Variants in PTPRJ observed in about 807,000 individuals in gnomAD.
PTPRJ encodes receptor-type tyrosine-protein phosphatase eta.
Under a neutral mutation model 141.3 loss-of-function variants are expected in PTPRJ, and 129 were observed. The ratio of observed to expected loss-of-function variants is 0.91; its 90% CI spans 0.79 to 1.06. PTPRJ has a LOEUF of 1.06. PTPRJ is among the 50% of genes least tolerant of loss of function. The probability of loss-of-function intolerance (pLI) is 0.00; values close to 1 mark genes in which losing one functional copy is unlikely to be tolerated. For synonymous variants in PTPRJ, 610 were observed against 640.5 expected, an observed-to-expected ratio of 0.95 and a Z score of 0.72; for missense variants, 1,601 against 1,679.7, an observed-to-expected ratio of 0.95 and a Z score of 0.82.
intron 8 of PTPRJ, chr11:48,132,373 AT>A (rs1264216316): frequency 1.6e-5 from 15 of 966,760 alleles, no homozygotes; most frequent in South Asian, 4.8e-5. Flanking sequence ...TCAAAAAAAA[AT>A]TTTTTTTTAT....
chr11:48,123,445 T>C (rs572516490), intron 4 of PTPRJ, among the ~76,000 whole-genome samples, 168 bp from the exon 5 acceptor site: 5 of 152,358 alleles, frequency 3.3e-5, no homozygotes, highest in African/African-American at 1.2e-4. Context: ...CATTGGGCTC[T>C]GATAGAAAGG....
chr11:47,995,145 G>A (rs943981257), intron 1 of PTPRJ, among the ~76,000 whole-genome samples: 5 of 152,086 alleles, frequency 3.3e-5, no homozygotes, highest in African/African-American at 9.7e-5. Context: ...GTCACGATAG[G>A]CCCTATTCAG....
chr11:48,077,654 G>C (rs764011067), intron 1 of PTPRJ, among the ~76,000 whole-genome samples: 3 of 152,132 alleles, frequency 2.0e-5, no homozygotes, highest in African/African-American at 7.2e-5. Context: ...CCTACCCCAT[G>C]CCTTTGCACG....
chr11:48,078,741 T>C (rs908840476), intron 1 of PTPRJ, among the ~76,000 whole-genome samples: 7 of 151,388 alleles, frequency 4.6e-5, no homozygotes, highest in African/African-American at 1.7e-4. Context: ...CAAAAGAATA[T>C]ATGCTGTGAT....
Position 48,112,749 on chromosome 11 carries a change from C to G in PTPRJ, c.118C>G (p.Pro40Ala), listed in dbSNP as rs772735763. ...AATTGTTTACTTTCTTTGCATAGCC[C>G]CTAGTCCAATTCCTGACCCTTCAGT... ...LGQILCAGGT[P>A]SPIPDPSVAT... Residue 40 changes from proline (P) to alanine (A), a missense_variant and splice_region_variant, in exon 3 of 25, where the codon CCT (proline) becomes GCT (alanine). Transcript: ENST00000418331. The G allele has an allele frequency of 3.1e-6, 5 of 1,608,734 alleles. No individual in the cohort carries two copies. The highest frequency in any genetic ancestry group is 4.3e-6 in the Non-Finnish European group (5 of 1,175,096).
intron 1 of PTPRJ, among the ~76,000 whole-genome samples, chr11:48,037,832 A>G (rs1404056662): frequency 6.6e-6 from 1 of 151,908 alleles, no homozygotes; most frequent in African/African-American, 2.4e-5. Context: ...AGAAAAAAAT[A>G]TATTCCACAC....
chr11:48,084,521 G>A (rs1486897786), intron 1 of PTPRJ, among the ~76,000 whole-genome samples: 1 of 152,170 alleles, frequency 6.6e-6, no homozygotes, highest in Non-Finnish European at 1.5e-5. Context: ...AATCAGGTTT[G>A]ATTATGCAAA....
At chr11:48,043,707 T>A (rs1255462330) in intron 1 of PTPRJ, among the ~76,000 whole-genome samples, 4 of 152,072 alleles carry the variant, frequency 2.6e-5, no homozygotes, top group Non-Finnish European at 5.9e-5. Context: ...TCCAGTGAAA[T>A]GGACGGTGGG....
intron 24 of PTPRJ, among the ~76,000 whole-genome samples, chr11:48,165,601 T>C (rs1857898833): frequency 6.6e-6 from 1 of 152,218 alleles, no homozygotes; most frequent in South Asian, 2.1e-4. Context: ...TAGCAGGGAA[T>C]GTTCTAGATG....
At chr11:47,981,123 G>A (rs1853893582) in intron 1 of PTPRJ, 115 bp downstream of exon 1, 1 of 1,030,652 alleles carries the variant, frequency 9.7e-7, no homozygotes, top group Middle Eastern at 4.0e-4. Flanking sequence ...CGGGGGTCCG[G>A]ATCCCCGGAT....
chr11:48,034,304 C>A (rs1283679513), intron 1 of PTPRJ, among the ~76,000 whole-genome samples: 1 of 150,854 alleles, frequency 6.6e-6, no homozygotes, highest in African/African-American at 2.4e-5. Context: ...CTTTTTTTTT[C>A]TTTTATTTTA....
intron 16 of PTPRJ, 68 bp from the exon 17 acceptor site, chr11:48,149,922 C>A: frequency 1.6e-6 from 2 of 1,223,588 alleles, no homozygotes; most frequent in Non-Finnish European, 2.3e-6. Flanking sequence ...AGATTGTTTA[C>A]TGTCATTTCT....
At chr11:48,141,798 A>G (rs1351573837) in intron 11 of PTPRJ, among the ~76,000 whole-genome samples, 1 of 152,180 alleles carries the variant, frequency 6.6e-6, no homozygotes, top group East Asian at 1.9e-4. Flanking sequence ...TCTTACTCTA[A>G]TGATGGTTTC....
intron 1 of PTPRJ, among the ~76,000 whole-genome samples, chr11:48,043,075 G>T (rs973972411): frequency 1.3e-5 from 2 of 152,184 alleles, no homozygotes; most frequent in African/African-American, 2.4e-5. Context: ...CACAGAGTGG[G>T]CATTGACCTG....
At position 48,162,427 on chromosome 11, in the gene PTPRJ, C is replaced by T. The variant is rs531533077; in HGVS notation, c.3559-1031C>T. 1.6e-4 allele frequency among the ~76,000 whole-genome samples: 24 copies of T among 148,698 alleles called. 1 individual carries two copies. In the South Asian group the frequency reaches 4.5e-3, roughly 28 times the overall value. ...TCTCCCTCCCTTTTTCTTCCTCTTC[C>T]CCCACCTCCATCTCTCACAGCTGGT... On this transcript the variant is annotated intron_variant, in intron 22 of 24. Transcript: ENST00000418331.
At chr11:48,074,016 G>C (rs1045965202) in intron 1 of PTPRJ, among the ~76,000 whole-genome samples, 1 of 152,194 alleles carries the variant, frequency 6.6e-6, no homozygotes, top group African/African-American at 2.4e-5. Flanking sequence ...ATCTTACTCT[G>C]TCACCCAGGC....
intron 1 of PTPRJ, among the ~76,000 whole-genome samples, chr11:47,991,807 T>A (rs1461003495): frequency 6.6e-6 from 1 of 152,114 alleles, no homozygotes; most frequent in Non-Finnish European, 1.5e-5. Context: ...CTCATCTGTA[T>A]GATGGGGATA....
intron 1 of PTPRJ, among the ~76,000 whole-genome samples, chr11:48,093,777 G>A (rs1489138873): frequency 3.4e-5 from 5 of 148,258 alleles, no homozygotes; most frequent in Non-Finnish European, 6.0e-5. Context: ...AATTTCTCAA[G>A]AAGATTTTGC....
chr11:48,010,865 A>C (rs1854765575), intron 1 of PTPRJ, among the ~76,000 whole-genome samples: 1 of 151,370 alleles, frequency 6.6e-6, no homozygotes, highest in South Asian at 2.1e-4. Context: ...ATTATTTTGG[A>C]GATAGGGTTT....
Sources: allele counts gnomAD v4.1 joint callset (sites outside exome capture counted in the v4.1 genomes callset), GRCh38; gene constraint gnomAD v4.1.1; transcripts MANE v1.5; gene names NCBI Gene and HGNC (gene_info 2026-07-23, HGNC 2026-07-21).